CHP2: variants seen among roughly 807,000 people sequenced by gnomAD.
CHP2 encodes calcineurin like EF-hand protein 2.
A neutral mutation model predicts 24.7 loss-of-function variants in CHP2; 31 were observed. The ratio of observed to expected loss-of-function variants is 1.26; its 90% confidence interval spans 0.94 to 1.69. The LOEUF is 1.69. Among genes scored for constraint, CHP2 ranks in the 40% most tolerant of loss-of-function variants. The pLI, the probability that CHP2 is intolerant of heterozygous loss-of-function variation, is 0.00. For synonymous variants in CHP2, 97 were observed against 99.1 expected, an observed-to-expected ratio of 0.98 and a Z score of 0.13; for missense variants, 319 against 261.5, an observed-to-expected ratio of 1.22 and a Z score of -1.52.
chr16:23,756,710 T>C (rs1220040886), intron 5 of CHP2, among the ~76,000 whole-genome samples: 2 of 152,066 alleles, frequency 1.3e-5, no homozygotes, highest in Admixed American at 6.6e-5. Context: ...TGGCAATATC[T>C]GGAGATGCTT....
intron 1 of CHP2, 58 bp downstream of exon 1, chr16:23,755,174 G>A: frequency 1.5e-6 from 2 of 1,313,634 alleles, no homozygotes; most frequent in Non-Finnish European, 2.2e-6. Context: ...GGCGTCTGGG[G>A]CTAGGGAAGG....
Position 23,756,378 on chromosome 16 carries a change from C to A in CHP2, c.353-10C>A. 6.2e-7 allele frequency: 1 copy of A among 1,611,634 alleles called. No individual in the cohort carries two copies. Among genetic ancestry groups the A allele is most frequent in the Non-Finnish European group, 8.5e-7 (1 of 1,178,100 alleles). ...CCTACCTTCCTTTCCCCCTCCCACC[C>A]TCTCCCCAGATGCATTTCAGCTCTA... On this transcript the variant is annotated splice_polypyrimidine_tract_variant and intron_variant, in intron 4 of 6. Transcript: ENST00000300113.
In CHP2 at chr16:23,757,662, G is replaced by A. The variant is rs903509361; in HGVS notation, c.*79G>A. The A allele has an allele frequency of 3.5e-5, 42 of 1,210,020 alleles. No individual in the cohort carries two copies. The highest frequency in any genetic ancestry group is 9.6e-5 in the South Asian group (8 of 82,922). 75.0% of individuals were successfully genotyped at this position (1,210,020 alleles called of 1,614,324 possible). ...CCAAAGCCCCCATGGACGCATGGAC[G>A]CAGGGCGACAATAAACTGTATTTTC... On this transcript the variant is annotated 3_prime_UTR_variant, in exon 7 of 7. Transcript: ENST00000300113.
rs73550296 is a variant in CHP2 at position 23,758,211 on chromosome 16, A to T, written c.*628A>T. 3,482 of 153,862 alleles carry T rather than the reference A, an allele frequency of 0.023. 129 individuals are homozygous for T. Among genetic ancestry groups the T allele is most frequent in the African/African-American group, 0.079 (3,301 of 41,548 alleles). The allele number at this position is 153,862 out of a possible 1,614,324, so 9.5% of individuals were successfully genotyped here. On this transcript the variant is annotated 3_prime_UTR_variant, in exon 7 of 7. Transcript: ENST00000300113. The stretch of plus-strand genomic sequence containing the variant: ...TGCTGTGCAGCCCGGTTCCTAACAG[A>T]CCACAGACCCCACACCAGGTCTATC...
At chr16:23,757,344 T>C (rs774600212) in intron 6 of CHP2, 21 bp downstream of exon 6, 16 of 1,601,788 alleles carry the variant, frequency 1.0e-5, no homozygotes, top group Non-Finnish European at 1.4e-5. Context: ...CCTTGGGGAT[T>C]GGGGAGTTGA....
In CHP2 at chr16:23,756,052, C is replaced by T. The variant is rs369504833; in HGVS notation, c.222-11C>T. On this transcript the variant is annotated splice_polypyrimidine_tract_variant and intron_variant, in intron 3 of 6. Transcript: ENST00000300113. Reference sequence around the variant, plus strand: ...ACCACCACCTCTTTCCATTCTGTCCCGTCTCCCCAGGAGCCAGCGAGTGGA... The same window carrying T: ...ACCACCACCTCTTTCCATTCTGTCCTGTCTCCCCAGGAGCCAGCGAGTGGA... The T allele has an allele frequency of 7.4e-6, 12 of 1,613,900 alleles. No homozygotes were observed. Among genetic ancestry groups the T allele is most frequent in the South Asian group, 2.2e-5 (2 of 91,052 alleles).
intron 1 of CHP2, 175 bp from the exon 2 acceptor site, chr16:23,755,486 G>A: frequency 1.6e-6 from 1 of 630,380 alleles, no homozygotes; most frequent in Non-Finnish European, 2.8e-6. Context: ...CTGGATCTTC[G>A]CGGGGTCGTG....
chr16:23,755,213 A>C, intron 1 of CHP2, 97 bp downstream of exon 1: 1 of 864,632 alleles, frequency 1.2e-6, no homozygotes, highest in Non-Finnish European at 1.8e-6. Flanking sequence ...ACGAACTTAC[A>C]AGTCTGGGGT....
In CHP2 at chr16:23,757,517, G is replaced by T; in HGVS notation, c.538-13G>T. 3 of 1,613,632 alleles carry T rather than the reference G, an allele frequency of 1.9e-6. No homozygotes were observed. Among genetic ancestry groups the T allele is most frequent in the Non-Finnish European group, 2.5e-6 (3 of 1,179,700 alleles). Reference sequence around the variant, plus strand: ...GAGTCAAGCCTCTTGCCTGCCATTTGTTTTTCCCTCAGTCCTTAGAGAAGA... The same window carrying T: ...GAGTCAAGCCTCTTGCCTGCCATTTTTTTTTCCCTCAGTCCTTAGAGAAGA... On this transcript the variant is annotated splice_polypyrimidine_tract_variant and intron_variant, in intron 6 of 6. Transcript: ENST00000300113.
chr16:23,757,054 A>G, intron 5 of CHP2, 147 bp from the exon 6 acceptor site: 6 of 830,238 alleles, frequency 7.2e-6, no homozygotes, highest in Non-Finnish European at 9.3e-6. Context: ...AGTAGGGAAA[A>G]TTATTGGGGG....
chr16:23,758,705 T>TG lies in CHP2; in HGVS notation c.*1126dup, dbSNP rs1961260308. 6.6e-6 allele frequency: 1 copy of TG among 152,226 alleles called. No individual in the cohort carries two copies. The highest frequency in any genetic ancestry group is 2.4e-5 in the African/African-American group (1 of 41,420). The allele number at this position is 152,226 out of a possible 1,614,324, so 9.4% of individuals were successfully genotyped here. On this transcript the variant is annotated 3_prime_UTR_variant, in exon 7 of 7. Coordinates refer to ENST00000300113, the MANE Select transcript of CHP2 (RefSeq NM_022097.4). ...GGAAATAAGGTCTGAGGATTCAGGA[T>TG]GGGGTGAAAGGTGGTTGCTTAAAGG...
At chr16:23,755,375 TCCAGCCC>T in intron 1 of CHP2, 1 of 597,902 alleles carries the variant, frequency 1.7e-6, no homozygotes, top group Non-Finnish European at 3.0e-6. Context: ...CCAGGTGTCC[TCCAGCCC>T]GGCTCGAAGC....
At position 23,755,128 on chromosome 16, in the gene CHP2, C is replaced by T; in HGVS notation, c.67+12C>T. 6.3e-7 allele frequency: 1 copy of T among 1,593,840 alleles called. No homozygotes were observed. The highest frequency in any genetic ancestry group is 8.5e-7 in the Non-Finnish European group (1 of 1,171,642). Reference sequence around the variant, plus strand: ...GCGAGAGACCGGCTGTGAGTGCGCCCGCGTCGGCGGCTGCGGAGGGGACGG... The same window carrying T: ...GCGAGAGACCGGCTGTGAGTGCGCCTGCGTCGGCGGCTGCGGAGGGGACGG... On this transcript the variant is annotated intron_variant, in intron 1 of 6. Coordinates refer to ENST00000300113, the MANE Select transcript of CHP2 (RefSeq NM_022097.4).
chr16:23,756,204 G>A lies in CHP2; in HGVS notation c.352+11G>A, dbSNP rs764789167. The A allele has an allele frequency of 3.7e-6, 6 of 1,613,646 alleles. No homozygotes were observed. The South Asian group carries it at 6.6e-5, about 18-fold the overall frequency. On this transcript the variant is annotated intron_variant, in intron 4 of 6. Transcript: ENST00000300113. Reference sequence around the variant, plus strand: ...GGAACAAACTTCACTGTGAGTTTGTGAGGACCTGCACAAGTGAGAATGCAG... The same window carrying A: ...GGAACAAACTTCACTGTGAGTTTGTAAGGACCTGCACAAGTGAGAATGCAG...
At position 23,756,403 on chromosome 16, in the gene CHP2, A is replaced by G. The variant is rs1445331378; in HGVS notation, c.368A>G (p.Tyr123Cys). ...CTCTCCCCAGATGCATTTCAGCTCTATGACCTGGATCGCGATGGGAAGATC... is the reference window on the plus strand; with the variant it reads ...CTCTCCCCAGATGCATTTCAGCTCTGTGACCTGGATCGCGATGGGAAGATC... ...RNKLHYAFQL[Y>C]DLDRDGKISR... is the part of the protein sequence containing the mutation. Residue 123 changes from tyrosine to cysteine, a missense_variant, in exon 5 of 7, where the codon TAT becomes TGT. Tyr to Cys is a radical substitution (Grantham distance 194). Coordinates refer to ENST00000300113, the MANE Select transcript of CHP2 (RefSeq NM_022097.4). 1 of 1,613,930 alleles carries G rather than the reference A, an allele frequency of 6.2e-7. No homozygotes were observed. Among genetic ancestry groups the G allele is most frequent in the Non-Finnish European group, 8.5e-7 (1 of 1,179,924 alleles).
intron 2 of CHP2, 25 bp from the exon 3 acceptor site, chr16:23,755,822 C>A: frequency 1.2e-6 from 2 of 1,614,096 alleles, no homozygotes; most frequent in Non-Finnish European, 1.7e-6. Context: ...CTCTGCCTTA[C>A]CCTCTTTGAA....
intron 1 of CHP2, 46 bp downstream of exon 1, chr16:23,755,162 C>G: frequency 6.9e-7 from 1 of 1,454,262 alleles, no homozygotes; most frequent in Non-Finnish European, 9.5e-7. Flanking sequence ...GGGGCGAACC[C>G]AGGCGTCTGG....
rs150633217 is a variant in CHP2, at chr16:23,757,290, G to T, written c.504G>T (p.Gly168=). ...DRTVQEADED[G]DGAVSFVEFT... is the part of the protein sequence containing the mutation. ...CGGTGCAGGAGGCTGATGAAGATGG[G>T]GATGGGGCTGTGTCCTTCGTGGAGT... The change falls in exon 6 of 7, where the codon GGG becomes GGT. Residue 168 remains glycine (G), a synonymous_variant. Transcript: ENST00000300113. The T allele has an allele frequency of 8.1e-6, 13 of 1,613,678 alleles. No homozygotes were observed. The highest frequency in any genetic ancestry group is 8.5e-6 in the Non-Finnish European group (10 of 1,179,890).
At position 23,756,399 on chromosome 16, in the gene CHP2, C is replaced by T. The variant is rs1185730375; in HGVS notation, c.364C>T (p.Leu122Phe). 2.5e-6 allele frequency: 4 copies of T among 1,613,744 alleles called. No individual in the cohort carries two copies. Among genetic ancestry groups the T allele is most frequent in the Non-Finnish European group, 3.4e-6 (4 of 1,179,866 alleles). ...CACCCTCTCCCCAGATGCATTTCAGCTCTATGACCTGGATCGCGATGGGAA... is the reference window on the plus strand; with the variant it reads ...CACCCTCTCCCCAGATGCATTTCAGTTCTATGACCTGGATCGCGATGGGAA... ...RRNKLHYAFQ[L>F]YDLDRDGKIS... Residue 122 changes from leucine (L) to phenylalanine (F), a missense_variant, in exon 5 of 7, where the codon CTC (leucine) becomes TTC (phenylalanine). Transcript: ENST00000300113.
Sources: gnomAD v4.1 joint callset for allele counts (sites outside exome capture counted in the v4.1 genomes callset) on GRCh38, gnomAD v4.1.1 for gene constraint, MANE v1.5 for transcripts, NCBI Gene and HGNC (gene_info 2026-07-23, HGNC 2026-07-21) for gene names.